Variants in TP53INP1 observed in about 807,000 individuals in gnomAD.
TP53INP1 encodes the protein tumor protein p53-inducible nuclear protein 1.
A neutral mutation model predicts 21.0 loss-of-function variants in TP53INP1; 12 were observed. The ratio of observed to expected loss-of-function variants is 0.57; its 90% CI spans 0.37 to 0.93. The LOEUF (loss-of-function observed/expected upper bound fraction) is 0.93. Among genes scored for constraint, TP53INP1 ranks in the 40% least tolerant of loss-of-function variants. The pLI is 0.01. For missense variants in TP53INP1, 274 were observed against 294.7 expected, an observed-to-expected ratio of 0.93 and a Z score of 0.51; for synonymous variants, 91 against 94.8, an observed-to-expected ratio of 0.96 and a Z score of 0.23.
In TP53INP1 at chr8:94,930,450, G is replaced by A. The variant is rs1442225315; in HGVS notation, c.*29C>T. 2 of 1,612,532 alleles carry A rather than the reference G, an allele frequency of 1.2e-6. No individual in the cohort carries two copies. Among genetic ancestry groups the A allele is most frequent in the East Asian group, 2.2e-5 (1 of 44,854 alleles). ...ATCCATACATGTAAGCACAAACCAA[G>A]AGAAACCAACCAACAAAACTTGAAA... On this transcript the variant is annotated 3_prime_UTR_variant, in exon 4 of 4. Coordinates refer to ENST00000342697, the MANE Select transcript of TP53INP1 (RefSeq NM_033285.4).
intron 3 of TP53INP1, among the ~76,000 whole-genome samples, chr8:94,935,132 GA>G (rs1248831601): frequency 1.7e-4 from 24 of 141,614 alleles, no homozygotes; most frequent in African/African-American, 5.6e-4. Flanking sequence ...GATAGATATA[GA>G]TAGATAGATA....
intron 1 of TP53INP1, among the ~76,000 whole-genome samples, chr8:94,947,903 G>A (rs964026804): frequency 2.0e-5 from 3 of 152,192 alleles, no homozygotes; most frequent in Admixed American, 6.5e-5. Flanking sequence ...CACTGATTGC[G>A]ACTTAAAAGC....
intron 1 of TP53INP1, among the ~76,000 whole-genome samples, chr8:94,945,785 AAAG>A (rs1365136913): frequency 2.0e-5 from 3 of 152,282 alleles, no homozygotes; most frequent in Non-Finnish European, 2.9e-5. Context: ...GAGGTGAAGC[AAAG>A]AAGGTTAGGT....
At chr8:94,934,062 A>C (rs922500966) in intron 3 of TP53INP1, among the ~76,000 whole-genome samples, 1 of 151,448 alleles carries the variant, frequency 6.6e-6, no homozygotes, top group Non-Finnish European at 1.5e-5. Flanking sequence ...GGGCAACAAG[A>C]GTGAAACTCT....
rs1554636015 is a variant in TP53INP1, at chr8:94,949,140, C to CCG, written c.-151+13_-151+14insCG. 6 of 149,288 alleles carry CCG rather than the reference C, an allele frequency of 4.0e-5. No homozygotes were observed. The South Asian group carries it at 1.2e-3, about 31-fold the overall frequency. The allele number at this position is 149,288 out of a possible 1,614,324, so 9.2% of individuals were successfully genotyped here. A position where few individuals can be genotyped will look rare whatever the true frequency, so the allele number is the denominator to read the frequency against. ...CCCTGGACGGACGCCCGCCCGCCCC[C>CCG]CCCCGGCACTTACGTGGGCCCGGGC... is the stretch of plus-strand genomic sequence containing the variant. On this transcript the variant is annotated intron_variant, in intron 1 of 3. Transcript: ENST00000342697.
At chr8:94,940,279 GATTATCAC>G in intron 2 of TP53INP1, 59 bp from the exon 3 acceptor site, 1 of 1,523,166 alleles carries the variant, frequency 6.6e-7, no homozygotes, top group Non-Finnish European at 8.8e-7. Flanking sequence ...ACAGGAGGAT[GATTATCAC>G]ATTGGGCAGT....
Position 94,940,906 on chromosome 8 carries a change from T to G in TP53INP1, c.36A>C (p.Glu12Asp), listed in dbSNP as rs769012615. 1 of 1,613,972 alleles carries G rather than the reference T, an allele frequency of 6.2e-7. No individual in the cohort carries two copies. The highest frequency in any genetic ancestry group is 8.5e-7 in the Non-Finnish European group (1 of 1,179,946). ...FQRLNKMFVG[E>D]VSSSSNQEPE... is the part of the protein sequence containing the mutation. The stretch of plus-strand genomic sequence containing the variant: ...GTTCTTGGTTGGAGGAAGAACTGAC[T>G]TCACCCACAAACATTTTATTCAGCC... The change falls in exon 2 of 4, where the codon GAA (glutamate) becomes GAC (aspartate). Residue 12 changes from glutamate to aspartate, a missense_variant. By Grantham distance (45) the Glu-to-Asp change is conservative. Transcript: ENST00000342697.
At chr8:94,946,612 G>A (rs564737806) in intron 1 of TP53INP1, among the ~76,000 whole-genome samples, 99 of 144,268 alleles carry the variant, frequency 6.9e-4, no homozygotes, top group Admixed American at 1.5e-3. Context: ...TAGGAGGATC[G>A]CTTGAGCCCA....
intron 1 of TP53INP1, 49 bp from the exon 2 acceptor site, chr8:94,941,140 T>C (rs1821490019): frequency 3.5e-6 from 2 of 567,060 alleles, no homozygotes; most frequent in Admixed American, 3.4e-5. Context: ...CATGCACATA[T>C]ATACATAAGT....
At chr8:94,942,639 G>A (rs993122578) in intron 1 of TP53INP1, among the ~76,000 whole-genome samples, 1 of 152,240 alleles carries the variant, frequency 6.6e-6, no homozygotes, top group African/African-American at 2.4e-5. Flanking sequence ...GGGCACAGGG[G>A]AGATGGCTGT....
At chr8:94,940,393 A>C (rs2904893) in intron 2 of TP53INP1, among the ~76,000 whole-genome samples, 173 bp from the exon 3 acceptor site, 99,264 of 151,968 alleles carry the variant, frequency 0.65, 33,057 homozygotes, top group East Asian at 0.79. Flanking sequence ...AGTTCAGAAA[A>C]CCATTTATAT....
intron 1 of TP53INP1, among the ~76,000 whole-genome samples, chr8:94,946,930 C>T (rs1463076151): frequency 6.6e-6 from 1 of 152,050 alleles, no homozygotes; most frequent in Non-Finnish European, 1.5e-5. Context: ...GTGAGACTGT[C>T]AACAAGTCAT....
intron 1 of TP53INP1, among the ~76,000 whole-genome samples, chr8:94,944,506 G>A (rs1465598775): frequency 6.6e-6 from 1 of 152,216 alleles, no homozygotes; most frequent in Non-Finnish European, 1.5e-5. Flanking sequence ...AGCAGTACAA[G>A]TCAGTGCTCT....
chr8:94,943,583 C>A (rs1264827097), intron 1 of TP53INP1, among the ~76,000 whole-genome samples: 1 of 152,230 alleles, frequency 6.6e-6, no homozygotes, highest in Non-Finnish European at 1.5e-5. Flanking sequence ...AGCCTTGAAT[C>A]TACAACTTCA....
At chr8:94,944,334 A>G (rs1466682946) in intron 1 of TP53INP1, among the ~76,000 whole-genome samples, 1 of 152,212 alleles carries the variant, frequency 6.6e-6, no homozygotes, top group Non-Finnish European at 1.5e-5. Context: ...AAGGCCAAAA[A>G]ACATTGCTGG....
chr8:94,943,385 A>C (rs1308255376), intron 1 of TP53INP1, among the ~76,000 whole-genome samples: 2 of 152,180 alleles, frequency 1.3e-5, no homozygotes, highest in Non-Finnish European at 2.9e-5. Flanking sequence ...GCTACTTGGG[A>C]GGCTGACGTG....
intron 1 of TP53INP1, among the ~76,000 whole-genome samples, chr8:94,948,800 C>G (rs1466561575): frequency 6.6e-6 from 1 of 151,948 alleles, no homozygotes; most frequent in Non-Finnish European, 1.5e-5. Flanking sequence ...GGAGGAGGTC[C>G]CGCCGCGGCC....
chr8:94,936,725 A>G lies in TP53INP1; in HGVS notation c.473+3135T>C, dbSNP rs151307179. 4.1e-3 allele frequency among the ~76,000 whole-genome samples: 628 copies of G among 152,288 alleles called. 6 individuals are homozygous for G. Among genetic ancestry groups the G allele is most frequent in the African/African-American group, 0.015 (604 of 41,552 alleles). ...GGTATATTAGGACATGCCAGTGGCC[A>G]TCAGAAGAACTCCCTTCCAGGTTTG... On this transcript the variant is annotated intron_variant, in intron 3 of 3. Transcript: ENST00000342697.
At chr8:94,946,948 C>T (rs796539903) in intron 1 of TP53INP1, among the ~76,000 whole-genome samples, 11 of 152,006 alleles carry the variant, frequency 7.2e-5, no homozygotes, top group Admixed American at 5.9e-4. Flanking sequence ...CATTTAGCAT[C>T]GCTGCATTTG....
Sources: gnomAD v4.1 joint callset for allele counts (sites outside exome capture counted in the v4.1 genomes callset) on GRCh38, gnomAD v4.1.1 for gene constraint, MANE v1.5 for transcripts, NCBI Gene and HGNC (gene_info 2026-07-23, HGNC 2026-07-21) for gene names.